The following FAM53B variants were observed in gnomAD, a reference collection of about 807,000 sequenced individuals.
FAM53B encodes protein FAM53B.
In FAM53B, 12 loss-of-function variants were observed where a neutral mutation model predicts 32.7. The ratio of observed to expected loss-of-function variants is 0.37; its 90% CI spans 0.24 to 0.59. The LOEUF (loss-of-function observed/expected upper bound fraction) is 0.59, where lower values mean the gene tolerates loss of function less well. Ranked by LOEUF, FAM53B falls within the 20% of genes least tolerant of loss-of-function variation. The pLI is 0.72. For synonymous variants in FAM53B, 234 were observed against 228.7 expected (o/e 1.02, Z -0.21); for missense variants, 477 against 577.7 (o/e 0.83, Z 1.79).
intron 4 of FAM53B, among the ~76,000 whole-genome samples, chr10:124,664,877 C>A (rs1949659003): frequency 6.6e-6 from 1 of 152,194 alleles, no homozygotes; most frequent in Non-Finnish European, 1.5e-5. Context: ...CCCAAAGCTT[C>A]TTTCTGCTGC....
At chr10:124,673,445 C>A (rs1949719211) in intron 4 of FAM53B, among the ~76,000 whole-genome samples, 1 of 152,196 alleles carries the variant, frequency 6.6e-6, no homozygotes, top group African/African-American at 2.4e-5. Flanking sequence ...CTAGAACAGG[C>A]TTTCCAGACA....
intron 2 of FAM53B, among the ~76,000 whole-genome samples, chr10:124,698,165 G>A (rs1345838199): frequency 6.6e-6 from 1 of 152,200 alleles, no homozygotes; most frequent in African/African-American, 2.4e-5. Flanking sequence ...CTGGGCACAA[G>A]GAAATTACCC....
rs548043521 is a variant in FAM53B at position 124,651,158 on chromosome 10, G to A, written c.907-27554C>T. Among the ~76,000 whole-genome samples, 7 of 152,374 alleles carry A rather than the reference G, an allele frequency of 4.6e-5. No individual in the cohort carries two copies. Among genetic ancestry groups the A allele is most frequent in the African/African-American group, 1.2e-4 (5 of 41,596 alleles). On this transcript the variant is annotated intron_variant, in intron 4 of 4. Transcript: ENST00000337318. The surrounding 1 kb of genome is among the most constrained non-coding windows in gnomAD (Gnocchi z 5.2). Reference sequence around the variant, plus strand: ...CAAAGCCAAGCCTTCTGTCCTTGCCGGCCTCGGTTTCTCCCTTTGTGCCAC... The same window carrying A: ...CAAAGCCAAGCCTTCTGTCCTTGCCAGCCTCGGTTTCTCCCTTTGTGCCAC...
chr10:124,632,427 G>A (rs1248562740), intron 4 of FAM53B, among the ~76,000 whole-genome samples: 1 of 152,368 alleles, frequency 6.6e-6, no homozygotes, highest in East Asian at 1.9e-4. Context: ...TTCTGGCGGG[G>A]GGCCGAGGCT....
At chr10:124,734,849 T>C (rs926091851) in intron 1 of FAM53B, among the ~76,000 whole-genome samples, 1 of 152,194 alleles carries the variant, frequency 6.6e-6, no homozygotes, top group African/African-American at 2.4e-5. Flanking sequence ...ACCCAGGGAA[T>C]AGGCGTGTCA....
intron 4 of FAM53B, among the ~76,000 whole-genome samples, chr10:124,625,268 C>T (rs770013346): frequency 3.3e-5 from 5 of 152,088 alleles, no homozygotes; most frequent in Admixed American, 1.3e-4. Context: ...TGGAGGAAGC[C>T]GTTCTGATGG....
rs561031021 is a variant in FAM53B, at chr10:124,694,773, G to A, written c.133+1385C>T. Among the ~76,000 whole-genome samples, 10 of 152,294 alleles carry A rather than the reference G, an allele frequency of 6.6e-5. 1 individual carries two copies. The highest frequency in any genetic ancestry group is 3.9e-4 in the East Asian group (2 of 5,192). On this transcript the variant is annotated intron_variant, in intron 3 of 4. Coordinates refer to ENST00000337318, the MANE Select transcript of FAM53B (RefSeq NM_014661.4). The stretch of plus-strand genomic sequence containing the variant: ...GGGAGGTATTCAATCCTGTGGGGAC[G>A]GGCCTCCCAAGTATGTCACATGGAA...
At chr10:124,683,725 A>T (rs1398364718) in intron 3 of FAM53B, among the ~76,000 whole-genome samples, 5 of 126,066 alleles carry the variant, frequency 4.0e-5, no homozygotes, top group Non-Finnish European at 5.9e-5. Flanking sequence ...GCTGAGGTGG[A>T]CTGTGGGTGA....
chr10:124,676,900 G>T (rs1199433841), intron 4 of FAM53B, among the ~76,000 whole-genome samples: 1 of 152,164 alleles, frequency 6.6e-6, no homozygotes, highest in Non-Finnish European at 1.5e-5. Context: ...AACAGTTGCT[G>T]CCTGTTCTGA....
At chr10:124,643,341 G>C (rs186287319) in intron 4 of FAM53B, among the ~76,000 whole-genome samples, 1 of 152,350 alleles carries the variant, frequency 6.6e-6, no homozygotes, top group African/African-American at 2.4e-5. Flanking sequence ...CAGGCGGCTC[G>C]GCAGGGCCCT....
intron 4 of FAM53B, among the ~76,000 whole-genome samples, chr10:124,666,027 G>GGGC (rs1310177963): frequency 6.6e-6 from 1 of 152,210 alleles, no homozygotes; most frequent in Non-Finnish European, 1.5e-5. Flanking sequence ...GGCACAGGCA[G>GGGC]TTGTATACAG....
chr10:124,650,284 G>C (rs952602346), intron 4 of FAM53B, among the ~76,000 whole-genome samples: 1 of 152,214 alleles, frequency 6.6e-6, no homozygotes, highest in South Asian at 2.1e-4. Context: ...AAGAGGCCCA[G>C]GTCATCGCGG....
rs559102292 is a variant in FAM53B at position 124,649,307 on chromosome 10, C to T, written c.907-25703G>A. On this transcript the variant is annotated intron_variant, in intron 4 of 4. Transcript: ENST00000337318. ...TGTTGTCTCAGTAGATGGCAGCAAA[C>T]TAACCCTGGCAGAGGCCTTCCTGCT... 1.4e-4 allele frequency among the ~76,000 whole-genome samples: 21 copies of T among 152,350 alleles called. No homozygotes were observed. In the South Asian group the frequency reaches 4.3e-3, roughly 32 times the overall value.
chr10:124,624,949 G>A (rs901571055), intron 4 of FAM53B, among the ~76,000 whole-genome samples: 4 of 152,204 alleles, frequency 2.6e-5, no homozygotes, highest in Non-Finnish European at 5.9e-5. Context: ...AGAGGGCAGG[G>A]GGGAATTCCA....
At chr10:124,692,126 T>A (rs1364920538) in intron 3 of FAM53B, among the ~76,000 whole-genome samples, 1 of 151,730 alleles carries the variant, frequency 6.6e-6, no homozygotes, top group Non-Finnish European at 1.5e-5. Context: ...AAGCCAAGAG[T>A]CAAAACAGCC....
chr10:124,743,544 CAA>C (rs1298561638), intron 1 of FAM53B, among the ~76,000 whole-genome samples: 3 of 152,202 alleles, frequency 2.0e-5, no homozygotes, highest in African/African-American at 4.8e-5. Flanking sequence ...CTTCCGCGAA[CAA>C]AAGAGTTGTC....
chr10:124,708,503 C>T (rs1333615120), intron 1 of FAM53B, among the ~76,000 whole-genome samples: 1 of 152,206 alleles, frequency 6.6e-6, no homozygotes, highest in Admixed American at 6.5e-5. Flanking sequence ...AATACCACAT[C>T]GATCTAGAAG....
At chr10:124,671,654 G>T (rs1949707668) in intron 4 of FAM53B, among the ~76,000 whole-genome samples, 1 of 152,176 alleles carries the variant, frequency 6.6e-6, no homozygotes, top group Admixed American at 6.5e-5. Flanking sequence ...GAGAGGGTGG[G>T]GTGCCTGATG....
At chr10:124,631,760 G>A (rs985600052) in intron 4 of FAM53B, among the ~76,000 whole-genome samples, 1 of 152,068 alleles carries the variant, frequency 6.6e-6, no homozygotes, top group Non-Finnish European at 1.5e-5. Flanking sequence ...CTCTGCACCA[G>A]CCCTGGGTCA....
Sources: gnomAD v4.1 joint callset for allele counts (sites outside exome capture counted in the v4.1 genomes callset) on GRCh38, gnomAD v4.1.1 for gene constraint, Gnocchi (gnomAD v3.1) non-coding constraint, MANE v1.5 for transcripts, NCBI Gene and HGNC (gene_info 2026-07-23, HGNC 2026-07-21) for gene names.